The following GRIP1 variants were observed in gnomAD, a reference collection of about 807,000 sequenced individuals.
The protein encoded by GRIP1 is glutamate receptor interacting protein 1.
In GRIP1, 45 loss-of-function variants were observed where a neutral mutation model predicts 129.9. The ratio of observed to expected loss-of-function variants is 0.35; its 90% CI spans 0.27 to 0.44. The LOEUF (loss-of-function observed/expected upper bound fraction) is 0.44. GRIP1 is among the 20% of genes least tolerant of loss of function. GRIP1 has a pLI of 1.00. For synonymous variants in GRIP1, 530 were observed against 520.8 expected (o/e 1.02, Z -0.24); for missense variants, 1,196 against 1,396.8 (o/e 0.86, Z 2.29).
intron 1 of GRIP1, among the ~76,000 whole-genome samples, chr12:66,871,149 A>G (rs1199391673): frequency 1.3e-5 from 2 of 152,010 alleles, no homozygotes; most frequent in African/African-American, 4.8e-5. Flanking sequence ...GGTTGGGAAG[A>G]GGGGTCTTCT....
chr12:66,494,592 G>A (rs955450325), intron 7 of GRIP1, among the ~76,000 whole-genome samples: 9 of 152,132 alleles, frequency 5.9e-5, no homozygotes, highest in African/African-American at 1.7e-4. Context: ...AGGATATTAG[G>A]CCAGGCACAG....
At chr12:66,506,865 G>A (rs1334482411) in intron 7 of GRIP1, among the ~76,000 whole-genome samples, 2 of 134,980 alleles carry the variant, frequency 1.5e-5, no homozygotes, top group Non-Finnish European at 3.2e-5. Flanking sequence ...AGAGTATTCT[G>A]CAAAAATAAA....
chr12:67,054,638 C>A (rs958795949), intron 1 of GRIP1, among the ~76,000 whole-genome samples: 1 of 151,930 alleles, frequency 6.6e-6, no homozygotes, highest in African/African-American at 2.4e-5. Flanking sequence ...GTGGTGCGCA[C>A]CTGTAATCCC....
rs752264572 is a variant in GRIP1, at chr12:66,445,345, G to C, written c.1518C>G (p.Ile506Met). 4 of 1,614,082 alleles carry C rather than the reference G, an allele frequency of 2.5e-6. No homozygotes were observed. The East Asian group carries it at 6.7e-5, about 27-fold the overall frequency. The change falls in exon 12 of 25, where the codon ATC (isoleucine) becomes ATG (methionine). Residue 506 changes from isoleucine to methionine, a missense_variant. Physicochemically the swap from Ile to Met is conservative, Grantham distance 10. Coordinates refer to ENST00000359742, the MANE Select transcript of GRIP1 (RefSeq NM_001366722.1). ...ACCTCTCTGCTGGGCTGTCAGCTTCGATATAGGAAATCAGAGGTGGAGAAG... is the reference window on the plus strand; with the variant it reads ...ACCTCTCTGCTGGGCTGTCAGCTTCCATATAGGAAATCAGAGGTGGAGAAG... ...TLSSPPLISY[I>M]EADSPAERCG... is the part of the protein sequence containing the mutation.
At chr12:66,753,363 C>A (rs1466401293) in intron 1 of GRIP1, among the ~76,000 whole-genome samples, 2 of 152,124 alleles carry the variant, frequency 1.3e-5, no homozygotes, top group South Asian at 4.1e-4. Flanking sequence ...CATCTGTAGA[C>A]CACTTATTCT....
intron 1 of GRIP1, among the ~76,000 whole-genome samples, chr12:66,693,226 A>T (rs1399151440): frequency 1.3e-5 from 2 of 152,136 alleles, no homozygotes; most frequent in Admixed American, 6.6e-5. Context: ...GCCACACGTG[A>T]CCTGTAAGTA....
At chr12:67,059,821 G>A (rs1347875379) in intron 1 of GRIP1, among the ~76,000 whole-genome samples, 1 of 152,144 alleles carries the variant, frequency 6.6e-6, no homozygotes, top group Non-Finnish European at 1.5e-5. Flanking sequence ...TGTGCTCTAT[G>A]GACCATGCCA....
At chr12:67,023,280 T>C (rs1191150458) in intron 1 of GRIP1, among the ~76,000 whole-genome samples, 1 of 152,234 alleles carries the variant, frequency 6.6e-6, no homozygotes, top group East Asian at 1.9e-4. Flanking sequence ...TTTAAGTCTA[T>C]GATACACTTT....
intron 1 of GRIP1, among the ~76,000 whole-genome samples, chr12:66,745,451 C>T (rs1021317817): frequency 6.6e-6 from 1 of 152,114 alleles, no homozygotes; most frequent in Non-Finnish European, 1.5e-5. Context: ...CCCACTAGGT[C>T]CCAAATATTG....
At chr12:66,796,968 A>G (rs2038716744) in intron 1 of GRIP1, among the ~76,000 whole-genome samples, 2 of 152,340 alleles carry the variant, frequency 1.3e-5, no homozygotes, top group Admixed American at 1.3e-4. Flanking sequence ...CTACATATCT[A>G]TAAACCTACT....
At chr12:66,737,138 G>A (rs1248498587) in intron 1 of GRIP1, among the ~76,000 whole-genome samples, 1 of 152,090 alleles carries the variant, frequency 6.6e-6, no homozygotes, top group Non-Finnish European at 1.5e-5. Context: ...GGATACAGGG[G>A]TTACTATGTC....
intron 23 of GRIP1, among the ~76,000 whole-genome samples, chr12:66,358,541 G>C (rs2054600671): frequency 6.6e-6 from 1 of 152,094 alleles, no homozygotes; most frequent in Non-Finnish European, 1.5e-5. Context: ...CCACCTCCCA[G>C]GCTCAGGCGA....
In GRIP1 at chr12:66,925,919, T is replaced by C. The variant is rs552990284; in HGVS notation, c.58+143131A>G. 5.3e-5 allele frequency among the ~76,000 whole-genome samples: 8 copies of C among 152,302 alleles called. No individual in the cohort carries two copies. In the South Asian group the frequency reaches 1.7e-3, roughly 32 times the overall value. On this transcript the variant is annotated intron_variant, in intron 1 of 1. Transcript: ENST00000643019. ...CCGGCCTTCCAAAGTGCTGGGATTA[T>C]AGGCGTGAGCCACTGCGCCCAGCCA...
intron 1 of GRIP1, among the ~76,000 whole-genome samples, chr12:67,043,491 G>A (rs2043208800): frequency 1.3e-5 from 2 of 152,194 alleles, no homozygotes; most frequent in South Asian, 4.2e-4. Flanking sequence ...AAAGTCTTCA[G>A]GCATAAAGTC....
At chr12:66,481,387 T>G (rs1221782902) in intron 7 of GRIP1, among the ~76,000 whole-genome samples, 2 of 151,722 alleles carry the variant, frequency 1.3e-5, no homozygotes, top group Non-Finnish European at 2.9e-5. Flanking sequence ...GCAAATCAAA[T>G]CCACAATGAG....
intron 1 of GRIP1, among the ~76,000 whole-genome samples, chr12:66,869,589 G>A (rs1467509380): frequency 1.3e-5 from 2 of 152,078 alleles, no homozygotes; most frequent in African/African-American, 4.8e-5. Context: ...AAGTGTCAAG[G>A]TGATGAGCAT....
At position 66,845,732 on chromosome 12, in the gene GRIP1, T is replaced by A. The variant is rs938198542; in HGVS notation, c.58+223318A>T. On this transcript the variant is annotated intron_variant, in intron 1 of 1. Transcript: ENST00000643019. Reference sequence around the variant, plus strand: ...ATTAATACTCTTTATACTAGCTGAGTATAATCAGTAGGTCAAGGAGAATCT... The same window carrying A: ...ATTAATACTCTTTATACTAGCTGAGAATAATCAGTAGGTCAAGGAGAATCT... Among the ~76,000 whole-genome samples the A allele has an allele frequency of 5.9e-5, 9 of 152,272 alleles. No homozygotes were observed. The East Asian group carries it at 1.5e-3, about 26-fold the overall frequency.
intron 1 of GRIP1, among the ~76,000 whole-genome samples, chr12:66,673,689 C>T (rs1036159229): frequency 3.9e-5 from 6 of 152,170 alleles, no homozygotes; most frequent in Non-Finnish European, 8.8e-5. Context: ...TGTAAACTCC[C>T]TCAAAGCATG....
chr12:66,686,116 C>G (rs917254545), intron 1 of GRIP1, among the ~76,000 whole-genome samples: 2 of 152,162 alleles, frequency 1.3e-5, no homozygotes, highest in Non-Finnish European at 2.9e-5. Context: ...TTCCAAATAA[C>G]ATGATTCTTG....
Sources: allele counts gnomAD v4.1 joint callset (sites outside exome capture counted in the v4.1 genomes callset), GRCh38; gene constraint gnomAD v4.1.1; transcripts MANE v1.5; gene names NCBI Gene and HGNC (gene_info 2026-07-23, HGNC 2026-07-21).